The following PDZRN4 variants were observed in gnomAD, a reference collection of about 807,000 sequenced individuals.
PDZRN4 encodes the protein PDZ domain-containing RING finger protein 4.
PDZRN4 carries 70 observed loss-of-function variants against 99.0 expected under a neutral mutation model. The ratio of observed to expected loss-of-function variants is 0.71; its 90% CI spans 0.58 to 0.86. PDZRN4 has a LOEUF of 0.86. PDZRN4 is among the 40% of genes least tolerant of loss of function. The pLI, the probability that PDZRN4 is intolerant of heterozygous loss-of-function variation, is 0.00. For missense variants in PDZRN4, 1,474 were observed against 1,331.2 expected (o/e 1.11, Z -1.67); for synonymous variants, 551 against 501.6 (o/e 1.10, Z -1.32).
intron 3 of PDZRN4, among the ~76,000 whole-genome samples, chr12:41,343,338 C>A (rs544666251): frequency 6.6e-6 from 1 of 151,994 alleles, no homozygotes; most frequent in Non-Finnish European, 1.5e-5. Flanking sequence ...CTTCTCTCTT[C>A]TTTTCTTGGT....
intron 5 of PDZRN4, among the ~76,000 whole-genome samples, chr12:41,547,424 G>T (rs984956689): frequency 1.3e-5 from 2 of 152,116 alleles, no homozygotes; most frequent in South Asian, 2.1e-4. Flanking sequence ...TCAGGAGTTT[G>T]AGACCAACCT....
At chr12:41,265,844 G>A (rs1951272307) in intron 3 of PDZRN4, among the ~76,000 whole-genome samples, 1 of 150,304 alleles carries the variant, frequency 6.7e-6, no homozygotes, top group African/African-American at 2.5e-5. Flanking sequence ...TAAACACAGG[G>A]GAAATAGTTT....
chr12:41,229,966 G>GC (rs1951017708), intron 3 of PDZRN4, among the ~76,000 whole-genome samples: 1 of 151,978 alleles, frequency 6.6e-6, no homozygotes. Context: ...TCCACAAGCG[G>GC]CTTTTGTCAG....
intron 3 of PDZRN4, among the ~76,000 whole-genome samples, chr12:41,197,919 G>GTTTTTTTTTTTTTTTTTTTTT (rs764851464): frequency 2.6e-5 from 3 of 113,464 alleles, no homozygotes; most frequent in East Asian, 2.7e-4. Flanking sequence ...GTTTTTTCTG[G>GTTTTTTTTTTTTTTTTTTTTT]GTTTTTTTTT....
intron 3 of PDZRN4, chr12:41,411,422 C>A (rs151123029): frequency 6.6e-6 from 1 of 152,300 alleles, no homozygotes; most frequent in East Asian, 1.9e-4. Flanking sequence ...GGTTTCTCTG[C>A]TTTAGTCATG....
intron 3 of PDZRN4, among the ~76,000 whole-genome samples, chr12:41,383,534 C>A (rs758248974): frequency 2.0e-5 from 3 of 152,250 alleles, no homozygotes; most frequent in Non-Finnish European, 4.4e-5. Context: ...AACTTCAGAG[C>A]CCAGAAGGAT....
At chr12:41,491,017 A>C (rs1937876224) in intron 3 of PDZRN4, among the ~76,000 whole-genome samples, 1 of 152,134 alleles carries the variant, frequency 6.6e-6, no homozygotes, top group South Asian at 2.1e-4. Flanking sequence ...AAGCATGAGC[A>C]CTACCAGGCT....
At chr12:41,386,539 C>T (rs1238888590) in intron 3 of PDZRN4, among the ~76,000 whole-genome samples, 1 of 152,096 alleles carries the variant, frequency 6.6e-6, no homozygotes, top group East Asian at 1.9e-4. Context: ...GTTATAACGG[C>T]CACACTTCCC....
chr12:41,384,774 C>T (rs1160132456), intron 3 of PDZRN4, among the ~76,000 whole-genome samples: 1 of 152,090 alleles, frequency 6.6e-6, no homozygotes, highest in Non-Finnish European at 1.5e-5. Context: ...ACTGTGTGCC[C>T]TGGGTGAGAC....
intron 3 of PDZRN4, among the ~76,000 whole-genome samples, chr12:41,437,067 A>G (rs547964524): frequency 8.1e-4 from 123 of 152,308 alleles, no homozygotes; most frequent in African/African-American, 2.3e-3. Flanking sequence ...TAAAATATTA[A>G]TTATCTGTAC....
intron 7 of PDZRN4, among the ~76,000 whole-genome samples, chr12:41,561,155 G>A (rs1004329385): frequency 1.5e-4 from 23 of 152,094 alleles, no homozygotes; most frequent in Non-Finnish European, 2.2e-4. Flanking sequence ...ATTGTTTCCT[G>A]ATGGTCCTCT....
rs1555141008 is a variant in PDZRN4 at position 41,411,068 on chromosome 12, T to TA, written c.844-95388_844-95387insA. Among the ~76,000 whole-genome samples the TA allele has an allele frequency of 4.5e-3, 378 of 84,006 alleles. 1 individual carries two copies. Among genetic ancestry groups the TA allele is most frequent in the African/African-American group, 0.013 (213 of 16,022 alleles). 55.1% of individuals were successfully genotyped at this position (84,006 alleles called of 152,430 possible). ...TTTAAAATATATATATATATATATA[T>TA]TTTTTTTTTATTTGTAAAGATAGTG... On this transcript the variant is annotated intron_variant, in intron 3 of 9. Coordinates refer to ENST00000402685, the MANE Select transcript of PDZRN4 (RefSeq NM_001164595.2).
intron 3 of PDZRN4, among the ~76,000 whole-genome samples, chr12:41,238,550 A>G (rs538325945): frequency 1.3e-5 from 2 of 152,180 alleles, no homozygotes; most frequent in African/African-American, 2.4e-5. Context: ...CAACCCCATT[A>G]AAAAGTGGGC....
chr12:41,227,914 CA>C (rs1566375621), intron 3 of PDZRN4, among the ~76,000 whole-genome samples: 62,787 of 143,644 alleles, frequency 0.44, 14,909 homozygotes, highest in Admixed American at 0.57. Flanking sequence ...CACACACACA[CA>C]CACACCAGAA....
intron 8 of PDZRN4, among the ~76,000 whole-genome samples, chr12:41,565,393 A>G (rs975701579): frequency 1.3e-5 from 2 of 151,948 alleles, no homozygotes; most frequent in Non-Finnish European, 2.9e-5. Flanking sequence ...TTTTAATACC[A>G]TACTTTTAAA....
chr12:41,284,400 G>A (rs1236150374), intron 3 of PDZRN4, among the ~76,000 whole-genome samples: 1 of 152,186 alleles, frequency 6.6e-6, no homozygotes, highest in Non-Finnish European at 1.5e-5. Context: ...TGATGGATAG[G>A]AGGAATCAAT....
chr12:41,235,989 G>T (rs1951064327), intron 3 of PDZRN4, among the ~76,000 whole-genome samples: 1 of 151,944 alleles, frequency 6.6e-6, no homozygotes, highest in Admixed American at 6.6e-5. Context: ...AGCCATTTCA[G>T]GAATCAAATT....
At chr12:41,439,811 T>A (rs1415091232) in intron 3 of PDZRN4, among the ~76,000 whole-genome samples, 1 of 152,248 alleles carries the variant, frequency 6.6e-6, no homozygotes, top group Non-Finnish European at 1.5e-5. Context: ...TCCATTTAAC[T>A]GGCTTTTATT....
At chr12:41,276,471 A>G (rs1165045799) in intron 3 of PDZRN4, among the ~76,000 whole-genome samples, 1 of 152,118 alleles carries the variant, frequency 6.6e-6, no homozygotes, top group Admixed American at 6.6e-5. Context: ...ATATATTTAT[A>G]TGAAATATGA....
Sources: allele counts gnomAD v4.1 joint callset (sites outside exome capture counted in the v4.1 genomes callset), GRCh38; gene constraint gnomAD v4.1.1; transcripts MANE v1.5; gene names NCBI Gene and HGNC (gene_info 2026-07-23, HGNC 2026-07-21).